GRM7: variants seen among roughly 807,000 people sequenced by gnomAD.
GRM7 encodes glutamate metabotropic receptor 7, also known as metabotropic glutamate receptor 7.
In GRM7, 35 loss-of-function variants were observed where a neutral mutation model predicts 84.5. That is an observed-to-expected ratio of 0.41 (90% CI 0.32 to 0.55). GRM7 has a LOEUF of 0.55. Among genes scored for constraint, GRM7 ranks in the 20% least tolerant of loss-of-function variants. The probability of loss-of-function intolerance (pLI) is 0.19; values close to 1 mark genes in which losing one functional copy is unlikely to be tolerated. For synonymous variants in GRM7, 487 were observed against 455.1 expected, an observed-to-expected ratio of 1.07 and a Z score of -0.89; for missense variants, 1,003 against 1,194.6, an observed-to-expected ratio of 0.84 and a Z score of 2.36.
intron 9 of GRM7, among the ~76,000 whole-genome samples, chr3:7,719,002 A>T (rs1389834660): frequency 1.3e-5 from 2 of 152,184 alleles, no homozygotes; most frequent in East Asian, 1.9e-4. Flanking sequence ...GAGATTTGGT[A>T]AATATTTATT....
In GRM7 at chr3:7,081,361, T is replaced by C. The variant is rs1449830984; in HGVS notation, c.520-65091T>C. Reference sequence around the variant, plus strand: ...ACCTGTTAGGATTATCTGTGATCAGTGATCTTTGATGTTACTATTGCAATT... The same window carrying C: ...ACCTGTTAGGATTATCTGTGATCAGCGATCTTTGATGTTACTATTGCAATT... On this transcript the variant is annotated intron_variant, in intron 1 of 9. Coordinates refer to ENST00000357716, the MANE Select transcript of GRM7 (RefSeq NM_000844.4). Among the ~76,000 whole-genome samples the C allele has an allele frequency of 2.6e-5, 4 of 152,114 alleles. No individual in the cohort carries two copies. The East Asian group carries it at 7.7e-4, about 29-fold the overall frequency.
At chr3:7,730,647 CA>C (rs1345085970) in intron 9 of GRM7, among the ~76,000 whole-genome samples, 1 of 152,170 alleles carries the variant, frequency 6.6e-6, no homozygotes, top group African/African-American at 2.4e-5. Context: ...ACCTGGATTT[CA>C]GCAGGAGCTT....
chr3:7,358,361 A>T (rs1553567500), intron 4 of GRM7, among the ~76,000 whole-genome samples: 1 of 125,206 alleles, frequency 8.0e-6, no homozygotes, highest in Non-Finnish European at 1.7e-5. Flanking sequence ...GTCCCAGGAG[A>T]TCATCAACCA....
At chr3:7,381,001 G>A (rs757492234) in intron 4 of GRM7, among the ~76,000 whole-genome samples, 3 of 152,114 alleles carry the variant, frequency 2.0e-5, no homozygotes, top group Non-Finnish European at 4.4e-5. Flanking sequence ...AAGGAATTAT[G>A]ATAAGAGAGG....
chr3:7,008,947 C>T (rs1695276196), intron 1 of GRM7, among the ~76,000 whole-genome samples: 1 of 152,066 alleles, frequency 6.6e-6, no homozygotes. Context: ...TAATGACTAT[C>T]TCATAAAATG....
At chr3:7,128,609 C>T (rs1299961268) in intron 1 of GRM7, among the ~76,000 whole-genome samples, 7 of 130,704 alleles carry the variant, frequency 5.4e-5, no homozygotes, top group Non-Finnish European at 9.9e-5. Context: ...CCAGGTTCAG[C>T]GATTCTCTTG....
At chr3:7,258,157 T>A (rs1405167647) in intron 2 of GRM7, among the ~76,000 whole-genome samples, 1 of 152,234 alleles carries the variant, frequency 6.6e-6, no homozygotes, top group Non-Finnish European at 1.5e-5. Flanking sequence ...ATAGTGTTTC[T>A]TGCAGCTTTT....
intron 9 of GRM7, among the ~76,000 whole-genome samples, chr3:7,736,216 TTTC>T (rs1482291545): frequency 6.6e-6 from 1 of 152,188 alleles, no homozygotes; most frequent in Non-Finnish European, 1.5e-5. Flanking sequence ...AATTAGATTG[TTTC>T]TTATTTATTC....
At chr3:7,648,211 C>G (rs914525443) in intron 8 of GRM7, among the ~76,000 whole-genome samples, 82 of 148,356 alleles carry the variant, frequency 5.5e-4, no homozygotes, top group African/African-American at 2.0e-3. Context: ...ACTTCTTTCT[C>G]TTAATATGGC....
rs537377751 is a variant in GRM7, at chr3:7,040,342, G to A, written c.520-106110G>A. 3.3e-5 allele frequency among the ~76,000 whole-genome samples: 5 copies of A among 150,996 alleles called. No homozygotes were observed. In the South Asian group the frequency reaches 6.3e-4, roughly 19 times the overall value. Reference sequence around the variant, plus strand: ...TTTGGAGATGGAGTCTCGCTCTGTCGCCCAGGCTGGGGTGCAGTGGCACGA... The same window carrying A: ...TTTGGAGATGGAGTCTCGCTCTGTCACCCAGGCTGGGGTGCAGTGGCACGA... On this transcript the variant is annotated intron_variant, in intron 1 of 9. Coordinates refer to ENST00000357716, the MANE Select transcript of GRM7 (RefSeq NM_000844.4).
intron 4 of GRM7, among the ~76,000 whole-genome samples, chr3:7,316,718 T>A (rs556044648): frequency 6.6e-6 from 1 of 152,096 alleles, no homozygotes; most frequent in Non-Finnish European, 1.5e-5. Flanking sequence ...GAGATACTTA[T>A]TAGACATCCA....
At chr3:6,874,896 C>A (rs1238976958) in intron 1 of GRM7, among the ~76,000 whole-genome samples, 3 of 152,132 alleles carry the variant, frequency 2.0e-5, no homozygotes. Context: ...CTTAAGAATC[C>A]CCACATGTTC....
intron 8 of GRM7, among the ~76,000 whole-genome samples, chr3:7,623,894 G>A (rs1478265688): frequency 6.6e-6 from 1 of 152,114 alleles, no homozygotes; most frequent in African/African-American, 2.4e-5. Flanking sequence ...GACCTAGAAG[G>A]GCAATGTACA....
At chr3:7,592,382 C>G (rs1044082830) in intron 8 of GRM7, among the ~76,000 whole-genome samples, 8 of 152,102 alleles carry the variant, frequency 5.3e-5, no homozygotes, top group Non-Finnish European at 1.0e-4. Context: ...AAGAAGCAAA[C>G]CATGAGGAGA....
At chr3:7,001,455 G>C (rs926800697) in intron 1 of GRM7, among the ~76,000 whole-genome samples, 1 of 152,224 alleles carries the variant, frequency 6.6e-6, no homozygotes, top group Non-Finnish European at 1.5e-5. Flanking sequence ...GTAATGTATA[G>C]ATGAGCTACT....
chr3:7,516,999 C>T (rs149014618), intron 7 of GRM7, among the ~76,000 whole-genome samples: 1 of 152,256 alleles, frequency 6.6e-6, no homozygotes, highest in African/African-American at 2.4e-5. Flanking sequence ...CTCTCTGCTG[C>T]CCCGCTCCCC....
intron 9 of GRM7, chr3:7,686,539 T>C (rs1457927088): frequency 3.1e-6 from 2 of 640,818 alleles, no homozygotes; most frequent in Non-Finnish European, 5.7e-6. Flanking sequence ...CATGATTACC[T>C]GAAAATATAT....
At chr3:7,585,166 A>G (rs1016961521) in intron 8 of GRM7, among the ~76,000 whole-genome samples, 2 of 152,204 alleles carry the variant, frequency 1.3e-5, no homozygotes, top group Admixed American at 1.3e-4. Flanking sequence ...ACAGGAACTC[A>G]TACTGGTTGT....
At chr3:7,012,781 A>G (rs1057083962) in intron 1 of GRM7, among the ~76,000 whole-genome samples, 2 of 152,110 alleles carry the variant, frequency 1.3e-5, no homozygotes, top group Admixed American at 6.5e-5. Flanking sequence ...TCACTCTGTT[A>G]CCCAGCTGGA....
Sources: allele counts gnomAD v4.1 joint callset (sites outside exome capture counted in the v4.1 genomes callset), GRCh38; gene constraint gnomAD v4.1.1; transcripts MANE v1.5; gene names NCBI Gene and HGNC (gene_info 2026-07-23, HGNC 2026-07-21).